Variants in NAALADL2 observed in about 807,000 individuals in gnomAD.
The protein encoded by NAALADL2 is N-acetylated alpha-linked acidic dipeptidase like 2.
Under a neutral mutation model 87.2 loss-of-function variants are expected in NAALADL2, and 76 were observed. The observed-to-expected ratio is 0.87, with a 90% CI of 0.72 to 1.05. NAALADL2 has a LOEUF of 1.05. Ranked by LOEUF, NAALADL2 falls within the 50% of genes least tolerant of loss-of-function variation. The pLI is 0.00. For missense variants in NAALADL2, 1,089 were observed against 945.8 expected, an observed-to-expected ratio of 1.15 and a Z score of -1.99; for synonymous variants, 354 against 331.0, an observed-to-expected ratio of 1.07 and a Z score of -0.75.
chr3:174,828,860 A>G (rs983498910), intron 3 of NAALADL2, among the ~76,000 whole-genome samples: 4 of 152,210 alleles, frequency 2.6e-5, no homozygotes, highest in African/African-American at 4.8e-5. Flanking sequence ...GGGATGAGCT[A>G]TATGATGTAG....
At chr3:174,761,215 A>G (rs1712900965) in intron 3 of NAALADL2, among the ~76,000 whole-genome samples, 1 of 152,210 alleles carries the variant, frequency 6.6e-6, no homozygotes, top group Admixed American at 6.5e-5. Context: ...TCTTATAATG[A>G]CAATTACATT....
At chr3:174,756,028 G>T (rs1424032784) in intron 3 of NAALADL2, among the ~76,000 whole-genome samples, 1 of 152,140 alleles carries the variant, frequency 6.6e-6, no homozygotes, top group Non-Finnish European at 1.5e-5. Context: ...GAACGGTCTG[G>T]GAGGGAAGAA....
At chr3:175,138,046 G>T (rs2108693863) in intron 2 of NAALADL2, among the ~76,000 whole-genome samples, 1 of 152,156 alleles carries the variant, frequency 6.6e-6, no homozygotes, top group South Asian at 2.1e-4. Flanking sequence ...CTCTTCAAAG[G>T]CTGGCCATGG....
chr3:175,148,453 A>G (rs1731094585), intron 2 of NAALADL2, among the ~76,000 whole-genome samples: 1 of 151,666 alleles, frequency 6.6e-6, no homozygotes, highest in Non-Finnish European at 1.5e-5. Flanking sequence ...AATTAGGTCA[A>G]TTTTCTCAAT....
At position 174,508,114 on chromosome 3, in the gene NAALADL2, G is replaced by GTTTTTTTTTGTTTGT. The variant is rs1553775285; in HGVS notation, c.-183-42446_-183-42445insGTTTGTTTTTTTTTT. Reference sequence around the variant, plus strand: ...AATTTTAGCTATTGGATATCTAGTGGTTTTTTTTTTTTTTTTTGAGACGAA... The same window carrying GTTTTTTTTTGTTTGT: ...AATTTTAGCTATTGGATATCTAGTGGTTTTTTTTTGTTTGTTTTTTTTTTTTTTTTTTGAGACGAA... On this transcript the variant is annotated intron_variant, in intron 1 of 3. Transcript: ENST00000434257. Among the ~76,000 whole-genome samples, 904 of 103,884 alleles carry GTTTTTTTTTGTTTGT rather than the reference G, an allele frequency of 8.7e-3. 36 individuals are homozygous for GTTTTTTTTTGTTTGT. The highest frequency in any genetic ancestry group is 0.05 in the South Asian group (130 of 2,620). The allele number at this position is 103,884 out of a possible 152,430, so 68.2% of individuals were successfully genotyped here. A position where few individuals can be genotyped will look rare whatever the true frequency, so the allele number is the denominator to read the frequency against.
chr3:174,877,244 A>AT (rs1323963578), intron 1 of NAALADL2, among the ~76,000 whole-genome samples: 1 of 152,090 alleles, frequency 6.6e-6, no homozygotes, highest in Non-Finnish European at 1.5e-5. Flanking sequence ...ATTTTCATAT[A>AT]TTTTACATCT....
intron 2 of NAALADL2, among the ~76,000 whole-genome samples, chr3:174,678,802 A>C (rs572209230): frequency 1.3e-5 from 2 of 152,096 alleles, no homozygotes; most frequent in East Asian, 3.9e-4. Flanking sequence ...ATTTAGTTTA[A>C]ATTTGTTTGT....
chr3:175,297,984 C>CTAA (rs1756591483), intron 4 of NAALADL2, among the ~76,000 whole-genome samples: 1 of 152,096 alleles, frequency 6.6e-6, no homozygotes, highest in Non-Finnish European at 1.5e-5. Flanking sequence ...TTCATATTTG[C>CTAA]TAATTGTTGT....
chr3:174,484,091 A>G (rs1486960097), intron 1 of NAALADL2, among the ~76,000 whole-genome samples: 2 of 152,084 alleles, frequency 1.3e-5, no homozygotes, highest in African/African-American at 4.8e-5. Flanking sequence ...AGAAAAATAC[A>G]TGAGATGACG....
chr3:175,290,856 G>A (rs879640204), intron 4 of NAALADL2, among the ~76,000 whole-genome samples: 1 of 152,086 alleles, frequency 6.6e-6, no homozygotes, highest in Non-Finnish European at 1.5e-5. Context: ...TTGGTGAATG[G>A]AAATGTGTAT....
chr3:174,603,654 T>A (rs1718676292), intron 2 of NAALADL2, among the ~76,000 whole-genome samples: 1 of 152,164 alleles, frequency 6.6e-6, no homozygotes, highest in East Asian at 1.9e-4. Context: ...TCTAGTTCTT[T>A]AAGATGCATT....
intron 2 of NAALADL2, among the ~76,000 whole-genome samples, chr3:174,685,890 C>A (rs2108838767): frequency 7.5e-6 from 1 of 132,560 alleles, no homozygotes; most frequent in Admixed American, 8.8e-5. Flanking sequence ...TATCATTTAT[C>A]TCCCATGTAT....
intron 1 of NAALADL2, among the ~76,000 whole-genome samples, chr3:174,896,989 G>C (rs1261514411): frequency 6.6e-6 from 1 of 151,980 alleles, no homozygotes; most frequent in Non-Finnish European, 1.5e-5. Flanking sequence ...AAATGAAACT[G>C]TGTCTCACCA....
chr3:175,091,997 A>G (rs1720224502), intron 1 of NAALADL2, among the ~76,000 whole-genome samples: 2 of 151,876 alleles, frequency 1.3e-5, no homozygotes, highest in Admixed American at 1.3e-4. Context: ...GTAAGCTCCG[A>G]ATATTTCTAT....
At chr3:175,152,443 A>T (rs748504642) in intron 2 of NAALADL2, among the ~76,000 whole-genome samples, 2 of 152,262 alleles carry the variant, frequency 1.3e-5, no homozygotes, top group East Asian at 3.9e-4. Context: ...ACTTATACTA[A>T]TGGTGCTTAT....
chr3:175,488,771 G>GA (rs1226294363), intron 9 of NAALADL2, among the ~76,000 whole-genome samples: 3 of 152,174 alleles, frequency 2.0e-5, no homozygotes, highest in African/African-American at 7.2e-5. Flanking sequence ...TAAATTTTAT[G>GA]AAAACGTGTT....
chr3:175,045,059 A>G (rs974867097), intron 1 of NAALADL2, among the ~76,000 whole-genome samples: 1 of 151,972 alleles, frequency 6.6e-6, no homozygotes, highest in African/African-American at 2.4e-5. Flanking sequence ...CCCTGAAGAC[A>G]CTGTTTTCTA....
At chr3:175,401,669 G>T (rs1022433121) in intron 5 of NAALADL2, among the ~76,000 whole-genome samples, 3 of 152,126 alleles carry the variant, frequency 2.0e-5, no homozygotes, top group Admixed American at 1.3e-4. Context: ...GGAAGTATTT[G>T]TGTGTCTAAA....
chr3:174,915,077 A>G (rs1042728954), intron 1 of NAALADL2, among the ~76,000 whole-genome samples: 2 of 152,200 alleles, frequency 1.3e-5, no homozygotes, highest in African/African-American at 4.8e-5. Context: ...ACAATGTTGG[A>G]AAACTAGTAT....
Sources: allele counts gnomAD v4.1 joint callset (sites outside exome capture counted in the v4.1 genomes callset), GRCh38; gene constraint gnomAD v4.1.1; transcripts MANE v1.5; gene names NCBI Gene and HGNC (gene_info 2026-07-23, HGNC 2026-07-21).